FOXP1: variants seen among roughly 807,000 people sequenced by gnomAD.
FOXP1 encodes the protein forkhead box P1, also known as forkhead box protein P1.
FOXP1 carries 15 observed loss-of-function variants against 98.2 expected under a neutral mutation model. That is an observed-to-expected ratio of 0.15 (90% CI 0.10 to 0.24). FOXP1 has a LOEUF of 0.24. Among genes scored for constraint, FOXP1 ranks in the 10% least tolerant of loss-of-function variants. The pLI is 1.00. For missense variants in FOXP1, 633 were observed against 848.5 expected, an observed-to-expected ratio of 0.75 and a Z score of 3.15; for synonymous variants, 371 against 314.5, an observed-to-expected ratio of 1.18 and a Z score of -1.90.
intron 11 of FOXP1, among the ~76,000 whole-genome samples, chr3:71,024,110 T>C (rs1000708412): frequency 4.3e-4 from 65 of 152,176 alleles, no homozygotes; most frequent in Non-Finnish European, 5.9e-5. Context: ...AGGTAAAGTT[T>C]CTTCACATTC....
chr3:71,458,852 C>T (rs1399060475), intron 3 of FOXP1, among the ~76,000 whole-genome samples: 2 of 152,178 alleles, frequency 1.3e-5, no homozygotes, highest in African/African-American at 4.8e-5. Context: ...TATCTAATAA[C>T]ACTATTTCTT....
At chr3:71,282,706 C>G (rs2071699912) in intron 5 of FOXP1, among the ~76,000 whole-genome samples, 1 of 152,150 alleles carries the variant, frequency 6.6e-6, no homozygotes, top group Admixed American at 6.6e-5. Flanking sequence ...AGATGGAAAC[C>G]TGAACTCCCA....
At position 71,446,325 on chromosome 3, in the gene FOXP1, G is replaced by A. The variant is rs184554119; in HGVS notation, c.-168+47101C>T. Among the ~76,000 whole-genome samples, 574 of 152,238 alleles carry A rather than the reference G, an allele frequency of 3.8e-3. 5 individuals are homozygous for A. The highest frequency in any genetic ancestry group is 0.013 in the African/African-American group (551 of 41,546). ...GTTGCAGATGGAGGTAATATAATAT[G>A]TTGTTGGCAGCCCAGGAGGAAACAG... On this transcript the variant is annotated intron_variant, in intron 3 of 20. Transcript: ENST00000649528.
intron 3 of FOXP1, among the ~76,000 whole-genome samples, chr3:71,446,061 GT>G (rs2086396200): frequency 1.3e-5 from 2 of 151,882 alleles, no homozygotes; most frequent in African/African-American, 4.8e-5. Flanking sequence ...GAGTGAGTGA[GT>G]GAGTGAGTGA....
chr3:71,218,121 C>A (rs1294126455), intron 5 of FOXP1, among the ~76,000 whole-genome samples: 1 of 152,204 alleles, frequency 6.6e-6, no homozygotes, highest in East Asian at 1.9e-4. Context: ...CATAGCACTG[C>A]ACCTGGGTGT....
chr3:71,390,560 G>C (rs931269745), intron 3 of FOXP1, among the ~76,000 whole-genome samples: 1 of 144,352 alleles, frequency 6.9e-6, no homozygotes, highest in African/African-American at 2.5e-5. Flanking sequence ...CGTCAGTAAG[G>C]ATGTGTGTGT....
At chr3:71,116,509 A>T (rs1388264813) in intron 6 of FOXP1, among the ~76,000 whole-genome samples, 1 of 152,244 alleles carries the variant, frequency 6.6e-6, no homozygotes, top group Non-Finnish European at 1.5e-5. Context: ...TGGAGAGACA[A>T]CACTAGTGCA....
intron 4 of FOXP1, among the ~76,000 whole-genome samples, chr3:71,349,229 T>C (rs28647428): frequency 8.1e-4 from 124 of 152,354 alleles, no homozygotes; most frequent in African/African-American, 2.9e-3. Context: ...TAGTGAAAGA[T>C]AATGTGATGA....
chr3:71,146,893 G>A lies in FOXP1; in HGVS notation c.181-34256C>T, dbSNP rs553830106. On this transcript the variant is annotated intron_variant, in intron 6 of 20. Transcript: ENST00000649528. ...CCCTCCTCCCGGCTCTGAGCACAGC[G>A]CGGGGAACAATGTTAAGCCATCCAT... Among the ~76,000 whole-genome samples the A allele has an allele frequency of 6.6e-5, 10 of 152,306 alleles. No homozygotes were observed. In the South Asian group the frequency reaches 1.9e-3, roughly 28 times the overall value.
intron 12 of FOXP1, 55 bp from the exon 13 acceptor site, chr3:71,001,114 A>G: frequency 2.2e-6 from 3 of 1,365,014 alleles, no homozygotes; most frequent in Admixed American, 1.7e-5. Context: ...AAAGGAAAAT[A>G]TAAGTTACCA....
At chr3:71,185,255 T>C (rs2062578778) in intron 6 of FOXP1, among the ~76,000 whole-genome samples, 1 of 150,976 alleles carries the variant, frequency 6.6e-6, no homozygotes, top group Non-Finnish European at 1.5e-5. Flanking sequence ...TTGTGAGATA[T>C]AAGTGATCCA....
chr3:71,371,604 G>A (rs924782184), intron 3 of FOXP1, among the ~76,000 whole-genome samples: 4 of 152,102 alleles, frequency 2.6e-5, no homozygotes, highest in Non-Finnish European at 5.9e-5. Flanking sequence ...TGGGCAACAC[G>A]GCAAGATTCC....
intron 5 of FOXP1, among the ~76,000 whole-genome samples, chr3:71,222,721 C>A (rs1374464285): frequency 6.6e-6 from 1 of 152,208 alleles, no homozygotes; most frequent in Non-Finnish European, 1.5e-5. Context: ...CTTCCCCAAC[C>A]CATTCGCTGT....
intron 6 of FOXP1, among the ~76,000 whole-genome samples, chr3:71,192,072 A>G (rs2063013207): frequency 6.6e-6 from 1 of 152,154 alleles, no homozygotes; most frequent in Non-Finnish European, 1.5e-5. Context: ...ACCTTCTTCT[A>G]TGCCCCCTTT....
At chr3:71,024,395 C>T (rs1415769647) in intron 11 of FOXP1, among the ~76,000 whole-genome samples, 1 of 152,156 alleles carries the variant, frequency 6.6e-6, no homozygotes, top group Admixed American at 6.5e-5. Flanking sequence ...CACCACCCTA[C>T]ATGTTTATTA....
At chr3:71,452,887 T>C (rs2087096920) in intron 3 of FOXP1, among the ~76,000 whole-genome samples, 1 of 152,188 alleles carries the variant, frequency 6.6e-6, no homozygotes, top group South Asian at 2.1e-4. Flanking sequence ...CCACTCTTAC[T>C]ACTTACAAGA....
At chr3:71,192,855 G>T (rs148816229) in intron 6 of FOXP1, among the ~76,000 whole-genome samples, 4 of 152,242 alleles carry the variant, frequency 2.6e-5, no homozygotes, top group Admixed American at 6.5e-5. Context: ...TTGCCATGCT[G>T]CCCAGGCTAG....
chr3:71,300,492 G>A (rs1364801490), intron 4 of FOXP1, among the ~76,000 whole-genome samples: 1 of 152,110 alleles, frequency 6.6e-6, no homozygotes, highest in African/African-American at 2.4e-5. Flanking sequence ...CATGTCACAT[G>A]AAACAAACAA....
rs892318115 is a variant in FOXP1, at chr3:71,092,906, C to T, written c.282+19630G>A. The stretch of plus-strand genomic sequence containing the variant: ...ATACTTTAGAGATATATGAAGACAC[C>T]ACATTAAAAGAGATTAGTTCTTGAT... On this transcript the variant is annotated intron_variant, in intron 7 of 20. Coordinates refer to ENST00000649528, the MANE Select transcript of FOXP1 (RefSeq NM_001349338.3). 2.2e-4 allele frequency among the ~76,000 whole-genome samples: 33 copies of T among 152,076 alleles called. 1 individual carries two copies. Among genetic ancestry groups the T allele is most frequent in the Non-Finnish European group, 3.1e-4 (21 of 68,008 alleles).
Sources: gnomAD v4.1 joint callset for allele counts (sites outside exome capture counted in the v4.1 genomes callset) on GRCh38, gnomAD v4.1.1 for gene constraint, MANE v1.5 for transcripts, NCBI Gene and HGNC (gene_info 2026-07-23, HGNC 2026-07-21) for gene names.